The following ABCC11 variants were observed in gnomAD, a reference collection of about 807,000 sequenced individuals.
ABCC11 encodes the protein ATP-binding cassette sub-family C member 11.
Under a neutral mutation model 149.3 loss-of-function variants are expected in ABCC11, and 135 were observed. That is an observed-to-expected ratio of 0.90 (90% CI 0.79 to 1.04). The LOEUF (loss-of-function observed/expected upper bound fraction) is 1.04. ABCC11 is among the 50% of genes least tolerant of loss of function. ABCC11 has a pLI of 0.00. For synonymous variants in ABCC11, 665 were observed against 671.4 expected, an observed-to-expected ratio of 0.99 and a Z score of 0.15; for missense variants, 1,680 against 1,722.1, an observed-to-expected ratio of 0.98 and a Z score of 0.43.
intron 1 of ABCC11, among the ~76,000 whole-genome samples, chr16:48,236,661 C>T (rs1003575281): frequency 2.0e-5 from 3 of 152,126 alleles, no homozygotes; most frequent in South Asian, 2.1e-4. Context: ...CACACAGTCA[C>T]GAAAGACTTC....
At chr16:48,213,380 TG>T in intron 10 of ABCC11, 62 bp downstream of exon 10, 28 of 1,439,790 alleles carry the variant, frequency 1.9e-5, no homozygotes, top group Non-Finnish European at 2.6e-5. Flanking sequence ...AGGAACATCA[TG>T]GGGGCTGAAG....
intron 23 of ABCC11, among the ~76,000 whole-genome samples, chr16:48,183,400 C>T (rs1462496779): frequency 6.6e-6 from 1 of 152,250 alleles, no homozygotes; most frequent in Non-Finnish European, 1.5e-5. Context: ...GTGTGCTGGG[C>T]ACAGAGGGAT....
At chr16:48,243,680 C>CT (rs1203834786) in intron 1 of ABCC11, among the ~76,000 whole-genome samples, 1 of 152,188 alleles carries the variant, frequency 6.6e-6, no homozygotes, top group East Asian at 1.9e-4. Flanking sequence ...AGGAACTCTG[C>CT]TGTAGTTTTG....
chr16:48,242,873 A>G (rs939768200), intron 1 of ABCC11, among the ~76,000 whole-genome samples: 58 of 152,078 alleles, frequency 3.8e-4, no homozygotes, highest in African/African-American at 1.4e-3. Flanking sequence ...AGGGTGGGGA[A>G]CATCACACTC....
intron 10 of ABCC11, among the ~76,000 whole-genome samples, chr16:48,212,596 C>T (rs889979963): frequency 2.0e-5 from 3 of 152,166 alleles, no homozygotes; most frequent in African/African-American, 7.2e-5. Flanking sequence ...TTCATGTGAT[C>T]TGATCTAATC....
At chr16:48,243,998 A>T (rs1971170568) in intron 1 of ABCC11, among the ~76,000 whole-genome samples, 3 of 152,022 alleles carry the variant, frequency 2.0e-5, no homozygotes, top group Admixed American at 1.3e-4. Context: ...TCTCAGAATA[A>T]ATAAATAAAT....
At chr16:48,191,364 G>A (rs1330592567) in intron 20 of ABCC11, among the ~76,000 whole-genome samples, 1 of 152,138 alleles carries the variant, frequency 6.6e-6, no homozygotes, top group Non-Finnish European at 1.5e-5. Context: ...GGCAAGACCT[G>A]TCTCCACAAA....
At position 48,203,255 on chromosome 16, in the gene ABCC11, T is replaced by G. The variant is rs1390679082; in HGVS notation, c.1851A>C (p.Glu617Asp). Residue 617 changes from glutamate (E) to aspartate (D), a missense_variant, in exon 14 of 30, where the codon GAA (glutamate) becomes GAC (aspartate). Physicochemically the swap from Glu to Asp is conservative, Grantham distance 45 (BLOSUM62 2). Coordinates refer to ENST00000356608, the MANE Select transcript of ABCC11 (RefSeq NM_001370497.1). ...LHCCSLNRDL[E>D]LLPFGDMTEI... ...CTGTCATGTCTCCAAAGGGCAGAAGTTCCAGGTCCCGATTCAGGGAGCAGC... is the reference window on the plus strand; with the variant it reads ...CTGTCATGTCTCCAAAGGGCAGAAGGTCCAGGTCCCGATTCAGGGAGCAGC... 6.3e-7 allele frequency: 1 copy of G among 1,582,190 alleles called. No homozygotes were observed. Among genetic ancestry groups the G allele is most frequent in the African/African-American group, 1.3e-5 (1 of 74,518 alleles).
Position 48,208,417 on chromosome 16 carries a change from T to A in ABCC11, c.1680+8A>T. On this transcript the variant is annotated splice_region_variant and intron_variant, in intron 12 of 29. Transcript: ENST00000356608. The stretch of plus-strand genomic sequence containing the variant: ...AGACAGGCAAGCATGTGGCCACAGA[T>A]CACTTACCTCCTCCAGGATGGCTGA... 1.2e-6 allele frequency: 2 copies of A among 1,614,064 alleles called. No homozygotes were observed. Among genetic ancestry groups the A allele is most frequent in the Non-Finnish European group, 1.7e-6 (2 of 1,179,972 alleles).
Position 48,210,927 on chromosome 16 carries a change from G to A in ABCC11, c.1608+21C>T, listed in dbSNP as rs147663715. Reference sequence around the variant, plus strand: ...TGAGAGCCTGGCAGCTGGCCTGCCTGCGTGGCCTGAACAAGGCTACCTTGG... The same window carrying A: ...TGAGAGCCTGGCAGCTGGCCTGCCTACGTGGCCTGAACAAGGCTACCTTGG... On this transcript the variant is annotated intron_variant, in intron 11 of 29. Transcript: ENST00000356608. The A allele has an allele frequency of 8.6e-4, 1,382 of 1,609,832 alleles. 49 individuals are homozygous for A. The East Asian group carries it at 0.03, about 35-fold the overall frequency.
intron 5 of ABCC11, 39 bp downstream of exon 5, chr16:48,224,243 G>A (rs1326781156): frequency 5.0e-6 from 8 of 1,603,954 alleles, no homozygotes; most frequent in Admixed American, 1.7e-5. Flanking sequence ...AACCTCTGAA[G>A]CCTAGAGTCC....
At chr16:48,220,900 G>T (rs867883036) in intron 6 of ABCC11, among the ~76,000 whole-genome samples, 19 of 152,148 alleles carry the variant, frequency 1.2e-4, no homozygotes, top group African/African-American at 4.6e-4. Flanking sequence ...TCTTTGAAGG[G>T]GGCTCATATT....
At chr16:48,237,761 A>G (rs1293795938) in intron 1 of ABCC11, among the ~76,000 whole-genome samples, 1 of 152,136 alleles carries the variant, frequency 6.6e-6, no homozygotes, top group Non-Finnish European at 1.5e-5. Context: ...TTCCAGGAAC[A>G]GGTTCCTCAA....
chr16:48,211,326 T>C (rs1164372256), intron 10 of ABCC11, 127 bp from the exon 11 acceptor site: 1 of 1,205,190 alleles, frequency 8.3e-7, no homozygotes, highest in Non-Finnish European at 1.2e-6. Context: ...AGTAAAAGTT[T>C]GCAGAAGTAC....
chr16:48,176,945 T>A lies in ABCC11; in HGVS notation c.3517A>T (p.Ile1173Phe). 6.2e-7 allele frequency: 1 copy of A among 1,614,000 alleles called. No homozygotes were observed. Among genetic ancestry groups the A allele is most frequent in the South Asian group, 1.1e-5 (1 of 91,050 alleles). ...LTIRGHEVVG[I>F]VGRTGSGKSS... ...TCACCAGAGCCCGTCCTTCCCACGA[T>A]GCCCACCACTTCGTGGCCGCGGATG... Residue 1173 changes from isoleucine to phenylalanine, a missense_variant, in exon 25 of 30, where the codon ATC becomes TTC. Ile to Phe is a conservative substitution (Grantham distance 21). Coordinates refer to ENST00000356608, the MANE Select transcript of ABCC11 (RefSeq NM_001370497.1).
At chr16:48,190,682 AC>A (rs1440770380) in intron 20 of ABCC11, among the ~76,000 whole-genome samples, 2 of 152,156 alleles carry the variant, frequency 1.3e-5, no homozygotes, top group Non-Finnish European at 2.9e-5. Context: ...CAGTATTCTA[AC>A]CAAACACATA....
At position 48,187,234 on chromosome 16, in the gene ABCC11, G is replaced by T; in HGVS notation, c.2900C>A (p.Ala967Asp). The T allele has an allele frequency of 6.2e-7, 1 of 1,614,054 alleles. No individual in the cohort carries two copies. The highest frequency in any genetic ancestry group is 8.5e-7 in the Non-Finnish European group (1 of 1,180,026). The change falls in exon 21 of 30, where the codon GCC becomes GAC. Residue 967 changes from alanine to aspartate, a missense_variant. Coordinates refer to ENST00000356608, the MANE Select transcript of ABCC11 (RefSeq NM_001370497.1). ...VLSPYILLMGAIIMVICFIYY... is the reference protein window; with the variant it reads ...VLSPYILLMGDIIMVICFIYY... ...AATGAAGCAAATAACCATGATTATG[G>T]CTCCCATTAACAGGATATATGGAGA...
At chr16:48,217,802 T>C (rs1404268660) in intron 6 of ABCC11, among the ~76,000 whole-genome samples, 1 of 152,190 alleles carries the variant, frequency 6.6e-6, no homozygotes, top group Non-Finnish European at 1.5e-5. Flanking sequence ...CATAAATTGG[T>C]ATAGCCACTC....
At chr16:48,210,519 G>C (rs1334425926) in intron 11 of ABCC11, 1 of 166,272 alleles carries the variant, frequency 6.0e-6, no homozygotes. Context: ...GGGCGAAGAG[G>C]AGACAGCAGG....
Sources: allele counts gnomAD v4.1 joint callset (sites outside exome capture counted in the v4.1 genomes callset), GRCh38; gene constraint gnomAD v4.1.1; transcripts MANE v1.5; gene names NCBI Gene and HGNC (gene_info 2026-07-23, HGNC 2026-07-21).